Variants in PABPN1L observed in about 807,000 individuals in gnomAD.
The protein encoded by PABPN1L is embryonic polyadenylate-binding protein 2.
PABPN1L carries 45 observed loss-of-function variants against 34.0 expected under a neutral mutation model. That is an observed-to-expected ratio of 1.32 (90% CI 1.04 to 1.70). The LOEUF (loss-of-function observed/expected upper bound fraction) is 1.70. Ranked by LOEUF, PABPN1L falls within the 40% of genes most tolerant of loss-of-function variation. The pLI is 0.00. For missense variants in PABPN1L, 459 were observed against 367.8 expected (o/e 1.25, Z -2.03); for synonymous variants, 182 against 152.1 (o/e 1.20, Z -1.45).
rs1597639688 is a variant in PABPN1L at position 88,864,702 on chromosome 16, G to C, written c.654+151C>G. ...AGACCAAACCCAGCTTCAGGTCCGA[G>C]GGTCCCGCCACATCCTGTCCAGGCC... On this transcript the variant is annotated intron_variant, in intron 5 of 6. Transcript: ENST00000419291. The C allele has an allele frequency of 3.2e-6, 3 of 940,922 alleles. No homozygotes were observed. The South Asian group carries it at 5.0e-5, about 16-fold the overall frequency. The allele number at this position is 940,922 out of a possible 1,614,324, so 58.3% of individuals were successfully genotyped here.
chr16:88,864,341 G>A (rs747602884), exon 6 of PABPN1L: 12 of 1,555,878 alleles, frequency 7.7e-6, no homozygotes, highest in East Asian at 2.4e-5. Flanking sequence ...CGCGGTCTGT[G>A]GAGCTGATCC....
At chr16:88,867,511 G>A (rs913448597), upstream of PABPN1L, among the ~76,000 whole-genome samples, 7 of 152,302 alleles carry the variant, frequency 4.6e-5, no homozygotes, top group South Asian at 6.2e-4. Flanking sequence ...GATTACAGGC[G>A]TGAGCACCGC....
exon 1 of PABPN1L, chr16:88,866,614 G>A (rs1968607637): frequency 1.3e-6 from 2 of 1,530,498 alleles, no homozygotes; most frequent in Non-Finnish European, 1.8e-6. Context: ...CATGGTAGAG[G>A]GGCAGGAGGA....
At chr16:88,866,766 T>A (rs1179857685), upstream of PABPN1L, 1 of 1,055,254 alleles carries the variant, frequency 9.5e-7, no homozygotes, top group Non-Finnish European at 1.3e-6. Flanking sequence ...GCTTCCAGCC[T>A]TGGCTCCCGG....
exon 7 of PABPN1L, chr16:88,863,633 T>C (rs867259874): frequency 2.2e-5 from 28 of 1,266,714 alleles, no homozygotes; most frequent in Non-Finnish European, 2.7e-5. Context: ...CAGTGGCTGC[T>C]CTGGACACCC....
In PABPN1L at chr16:88,864,398, T is replaced by C. The variant is rs756016962; in HGVS notation, c.655-19A>G. The C allele has an allele frequency of 2.6e-6, 4 of 1,551,060 alleles. No individual in the cohort carries two copies. In the South Asian group the frequency reaches 3.6e-5, roughly 14 times the overall value. On this transcript the variant is annotated intron_variant, in intron 5 of 6. Transcript: ENST00000419291. ...GCAGCACCTGGAGCAAAGGCCTGTT[T>C]TGAGTCCTCCTCAAGGAGCAGCCGA...
chr16:88,864,181 T>C, intron 6 of PABPN1L, 56 bp downstream of exon 6: 1 of 1,507,958 alleles, frequency 6.6e-7, no homozygotes, highest in Non-Finnish European at 8.9e-7. Context: ...CTCCTGCCCC[T>C]GATGCCCTCC....
chr16:88,865,211 C>A, intron 3 of PABPN1L, 83 bp from the exon 4 acceptor site: 1 of 1,426,338 alleles, frequency 7.0e-7, no homozygotes. Flanking sequence ...GGAAAGAAAC[C>A]CCAAGGCTGG....
At chr16:88,866,221 C>G in intron 1 of PABPN1L, 131 bp downstream of exon 1, 2 of 1,390,000 alleles carry the variant, frequency 1.4e-6, no homozygotes, top group Middle Eastern at 4.3e-4. Flanking sequence ...CCACCTTCGT[C>G]CAGGCAGGTG....
chr16:88,866,237 T>A, intron 1 of PABPN1L, 115 bp downstream of exon 1: 2 of 1,430,276 alleles, frequency 1.4e-6, no homozygotes, highest in African/African-American at 2.8e-5. Context: ...AGGTGGGCAA[T>A]GGCCCTCTCC....
Position 88,864,431 on chromosome 16 carries a change from C to G in PABPN1L, c.655-52G>C, listed in dbSNP as rs1968533656. ...TCCTCAAGGAGCAGCCGAGACCCAG[C>G]TCACAGCCCCCGCAGCCCCCACCAC... On this transcript the variant is annotated intron_variant, in intron 5 of 6. Coordinates refer to ENST00000419291, the Ensembl canonical transcript of PABPN1L. 1.1e-5 allele frequency: 16 copies of G among 1,511,348 alleles called. No homozygotes were observed. In the East Asian group the frequency reaches 3.5e-4, roughly 33 times the overall value. 93.6% of individuals were successfully genotyped at this position (1,511,348 alleles called of 1,614,324 possible). A position where few individuals can be genotyped will look rare whatever the true frequency, so the allele number is the denominator to read the frequency against.
intron 5 of PABPN1L, 28 bp from the exon 6 acceptor site, chr16:88,864,407 C>G (rs1216026260): frequency 6.5e-7 from 1 of 1,546,880 alleles, no homozygotes; most frequent in Non-Finnish European, 8.7e-7. Flanking sequence ...TTTGAGTCCT[C>G]CTCAAGGAGC....
At chr16:88,869,266 G>A (rs972934425), upstream of PABPN1L, among the ~76,000 whole-genome samples, 2 of 152,176 alleles carry the variant, frequency 1.3e-5, no homozygotes, top group Non-Finnish European at 2.9e-5. Flanking sequence ...TCATGAGGTC[G>A]GGGAGGAATG....
At chr16:88,866,485 C>T (rs774086958) in exon 1 of PABPN1L, 6 of 1,551,424 alleles carry the variant, frequency 3.9e-6, no homozygotes, top group Non-Finnish European at 5.2e-6. Flanking sequence ...ACCCTCTGGC[C>T]CCAGAATCTC....
chr16:88,866,726 A>G (rs1374937414), upstream of PABPN1L: 2 of 1,357,018 alleles, frequency 1.5e-6, no homozygotes, highest in East Asian at 2.5e-5. Flanking sequence ...TGCTCCCACT[A>G]GAGCATTTGC....
upstream of PABPN1L, chr16:88,866,745 A>G (rs1968613659): frequency 8.1e-7 from 1 of 1,230,050 alleles, no homozygotes; most frequent in Non-Finnish European, 1.1e-6. Flanking sequence ...GCAAAGGCTG[A>G]GTGGGGCTGA....
At chr16:88,869,740 C>T (rs1218745645), upstream of PABPN1L, among the ~76,000 whole-genome samples, 2 of 152,248 alleles carry the variant, frequency 1.3e-5, no homozygotes, top group Admixed American at 6.5e-5. Flanking sequence ...CAGGCCCTGA[C>T]GCATGCCCCT....
rs760745434 is a variant in PABPN1L at position 88,864,883 on chromosome 16, G to A, written c.624C>T (p.Asp208=). 5 of 1,611,316 alleles carry A rather than the reference G, an allele frequency of 3.1e-6. No individual in the cohort carries two copies. The African/African-American group carries it at 5.3e-5, about 17-fold the overall frequency. ...TGACCCGGCCCCGGAAGAGGCTCTG[G>A]TCCAGCTCCACGGCGGCCTGCACGG... The change falls in exon 5 of 7, where the codon GAC becomes GAT. Residue 208 remains aspartate, a synonymous_variant. Coordinates refer to ENST00000419291, the Ensembl canonical transcript of PABPN1L.
At chr16:88,866,587 C>A in exon 1 of PABPN1L, 3 of 1,550,044 alleles carry the variant, frequency 1.9e-6, no homozygotes, top group Non-Finnish European at 2.6e-6. Flanking sequence ...GAAGAGAGAG[C>A]GGCTCGGGAA....
Sources: allele counts gnomAD v4.1 joint callset (sites outside exome capture counted in the v4.1 genomes callset), GRCh38; gene constraint gnomAD v4.1.1; transcripts MANE v1.5; gene names NCBI Gene and HGNC (gene_info 2026-07-23, HGNC 2026-07-21).